Variants in LRCH3 observed in about 807,000 individuals in gnomAD.
LRCH3 encodes the protein leucine rich repeats and calponin homology domain containing 3.
LRCH3 carries 68 observed loss-of-function variants against 104.5 expected under a neutral mutation model. The observed-to-expected ratio is 0.65, with a 90% CI of 0.54 to 0.80. The LOEUF is 0.80. Among genes scored for constraint, LRCH3 ranks in the 30% least tolerant of loss-of-function variants. The pLI is 0.00. For synonymous variants in LRCH3, 344 were observed against 361.3 expected (o/e 0.95, Z 0.54); for missense variants, 951 against 953.9 (o/e 1.00, Z 0.04).
chr3:197,835,645 G>T, intron 8 of LRCH3, 29 bp from the exon 9 acceptor site: 21 of 1,585,992 alleles, frequency 1.3e-5, no homozygotes, highest in Non-Finnish European at 1.8e-5. Flanking sequence ...GTGTGTGTGT[G>T]TGTGTGGGTG....
chr3:197,884,890 G>A lies in LRCH3; in HGVS notation c.*1224G>A, dbSNP rs1359604029. 2.0e-5 allele frequency: 3 copies of A among 152,300 alleles called. No homozygotes were observed. Among genetic ancestry groups the A allele is most frequent in the Non-Finnish European group, 2.9e-5 (2 of 68,142 alleles). 9.4% of individuals were successfully genotyped at this position (152,300 alleles called of 1,614,324 possible). On this transcript the variant is annotated 3_prime_UTR_variant, in exon 21 of 21. Transcript: ENST00000425562. ...AGCCTCCCAAAGTGCTGGGATTACT[G>A]GAGTGAGCCATCGGGCCTGGCCCAG...
At chr3:197,859,063 T>C in intron 15 of LRCH3, 158 bp downstream of exon 15, 1 of 634,052 alleles carries the variant, frequency 1.6e-6, no homozygotes. Context: ...CCCTTGAAAT[T>C]TTTTGAAAGT....
At chr3:197,817,033 A>C (rs1733878514) in intron 2 of LRCH3, 143 bp from the exon 3 acceptor site, 3 of 626,034 alleles carry the variant, frequency 4.8e-6, no homozygotes, top group Non-Finnish European at 7.7e-6. Flanking sequence ...ACCACCAGTA[A>C]AACGAAGGCT....
At chr3:197,846,399 A>AC (rs1738710818) in intron 10 of LRCH3, among the ~76,000 whole-genome samples, 1 of 149,796 alleles carries the variant, frequency 6.7e-6, no homozygotes, top group Non-Finnish European at 1.5e-5. Flanking sequence ...AAAAAAAAAA[A>AC]ACAAAAAAAA....
At chr3:197,869,597 A>C (rs111862306) in intron 17 of LRCH3, among the ~76,000 whole-genome samples, 1,897 of 133,046 alleles carry the variant, frequency 0.014, 37 homozygotes, top group African/African-American at 0.059. Flanking sequence ...CTGTACCTGC[A>C]GGAAGTAGAA....
At chr3:197,827,230 T>C (rs1388492356) in intron 5 of LRCH3, among the ~76,000 whole-genome samples, 1 of 151,658 alleles carries the variant, frequency 6.6e-6, no homozygotes, top group Non-Finnish European at 1.5e-5. Flanking sequence ...AGGTAAACCA[T>C]GGTGGAAGCA....
intron 4 of LRCH3, among the ~76,000 whole-genome samples, chr3:197,825,054 G>A (rs1021198771): frequency 1.3e-5 from 2 of 152,162 alleles, no homozygotes; most frequent in Admixed American, 1.3e-4. Flanking sequence ...CCCCTTGATT[G>A]TTTGATTATA....
chr3:197,880,508 A>T (rs1455187814), intron 20 of LRCH3: 1 of 1,534,826 alleles, frequency 6.5e-7, no homozygotes, highest in Non-Finnish European at 8.7e-7. Context: ...TACACTTTGG[A>T]CAGGACAATC....
chr3:197,862,490 A>G (rs1324124459), intron 15 of LRCH3, among the ~76,000 whole-genome samples: 1 of 152,156 alleles, frequency 6.6e-6, no homozygotes, highest in African/African-American at 2.4e-5. Flanking sequence ...TGTTTTTTAA[A>G]TTTCTAGTCT....
Position 197,870,274 on chromosome 3 carries a change from G to C in LRCH3, c.1988G>C (p.Arg663Pro), listed in dbSNP as rs371803335. 1 of 1,612,048 alleles carries C rather than the reference G, an allele frequency of 6.2e-7. No individual in the cohort carries two copies. Among genetic ancestry groups the C allele is most frequent in the South Asian group, 1.1e-5 (1 of 91,012 alleles). ...GAGCTGGAATTAATAGACCAACTGC[G>C]TAAAGTATGTACATTACCTTTGATT... The part of the protein sequence containing the change: ...EEELELIDQL[R>P]KHIEYRLKVS... The change falls in exon 18 of 21, where the codon CGT becomes CCT. Residue 663 changes from arginine (R) to proline (P), a missense_variant. Coordinates refer to ENST00000425562, the MANE Select transcript of LRCH3 (RefSeq NM_001365715.1).
intron 1 of LRCH3, among the ~76,000 whole-genome samples, chr3:197,805,141 C>T (rs1369372115): frequency 6.6e-6 from 1 of 152,296 alleles, no homozygotes; most frequent in East Asian, 1.9e-4. Flanking sequence ...GATCTACCCG[C>T]CTTGGCCTCC....
intron 5 of LRCH3, 148 bp downstream of exon 5, chr3:197,827,162 A>AGTGGAAGCATCAGATAAATCATG: frequency 7.2e-7 from 1 of 1,385,094 alleles, no homozygotes; most frequent in East Asian, 2.3e-5. Flanking sequence ...GGTAAACCAT[A>AGTGGAAGCATCAGATAAATCATG]GTGGAAGCAT....
intron 10 of LRCH3, among the ~76,000 whole-genome samples, chr3:197,846,870 ACTT>A (rs949543159): frequency 4.0e-5 from 6 of 151,520 alleles, no homozygotes; most frequent in African/African-American, 1.5e-4. Flanking sequence ...AGGAAGTACT[ACTT>A]TTTTTTTGTT....
intron 1 of LRCH3, among the ~76,000 whole-genome samples, chr3:197,802,026 C>G (rs947805580): frequency 5.9e-5 from 9 of 152,202 alleles, no homozygotes; most frequent in African/African-American, 2.2e-4. Flanking sequence ...ACATGGCCCC[C>G]TCCATCCTCA....
In LRCH3 at chr3:197,820,522, A is replaced by G. The variant is rs1250487066; in HGVS notation, c.640+92A>G. The G allele has an allele frequency of 7.1e-6, 6 of 843,890 alleles. No homozygotes were observed. In the South Asian group the frequency reaches 7.9e-5, roughly 11 times the overall value. The allele number at this position is 843,890 out of a possible 1,614,324, so 52.3% of individuals were successfully genotyped here. A position where few individuals can be genotyped will look rare whatever the true frequency, so the allele number is the denominator to read the frequency against. ...ATCAAGACAAAAATGTATAAGGGTT[A>G]CATCTAGGCTGGGCGCTGTGGCTCC... On this transcript the variant is annotated intron_variant, in intron 4 of 20. Transcript: ENST00000425562.
intron 20 of LRCH3, 151 bp downstream of exon 20, chr3:197,875,926 T>C (rs992296147): frequency 4.0e-6 from 2 of 497,742 alleles, no homozygotes; most frequent in African/African-American, 3.9e-5. Flanking sequence ...AGTGTACTTT[T>C]GAACAGTTTT....
chr3:197,871,284 C>T, intron 18 of LRCH3, 41 bp from the exon 19 acceptor site: 1 of 1,487,946 alleles, frequency 6.7e-7, no homozygotes, highest in African/African-American at 1.4e-5. Flanking sequence ...ATATGTCAGT[C>T]TTTCTTCAAT....
intron 1 of LRCH3, among the ~76,000 whole-genome samples, chr3:197,797,388 A>G (rs145194268): frequency 6.7e-6 from 1 of 149,962 alleles, no homozygotes; most frequent in East Asian, 2.0e-4. Context: ...AATAAATTCA[A>G]GAGAGTCATA....
intron 3 of LRCH3, among the ~76,000 whole-genome samples, chr3:197,819,920 C>A (rs540787668): frequency 6.6e-6 from 1 of 152,156 alleles, no homozygotes; most frequent in African/African-American, 2.4e-5. Flanking sequence ...ATGTTGCCCA[C>A]GCTGGTCTGA....
Sources: gnomAD v4.1 joint callset for allele counts (sites outside exome capture counted in the v4.1 genomes callset) on GRCh38, gnomAD v4.1.1 for gene constraint, MANE v1.5 for transcripts, NCBI Gene and HGNC (gene_info 2026-07-23, HGNC 2026-07-21) for gene names.